NFIB: variants seen among roughly 807,000 people sequenced by gnomAD.
The protein encoded by NFIB is nuclear factor 1 B-type.
Under a neutral mutation model 61.5 loss-of-function variants are expected in NFIB, and 11 were observed. The ratio of observed to expected loss-of-function variants is 0.18; its 90% CI spans 0.11 to 0.30. NFIB has a LOEUF of 0.30. Among genes scored for constraint, NFIB ranks in the 10% least tolerant of loss-of-function variants. The pLI, the probability that NFIB is intolerant of heterozygous loss-of-function variation, is 1.00. For missense variants in NFIB, 471 were observed against 608.9 expected, an observed-to-expected ratio of 0.77 and a Z score of 2.38; for synonymous variants, 260 against 216.5, an observed-to-expected ratio of 1.20 and a Z score of -1.76.
At chr9:14,149,621 G>C (rs1410991296) in intron 5 of NFIB, among the ~76,000 whole-genome samples, 1 of 152,158 alleles carries the variant, frequency 6.6e-6, no homozygotes, top group Non-Finnish European at 1.5e-5. Flanking sequence ...AGGGAAGGTA[G>C]TATTTTCATT....
chr9:14,279,213 T>G (rs1315730502), intron 2 of NFIB, among the ~76,000 whole-genome samples: 1 of 152,168 alleles, frequency 6.6e-6, no homozygotes, highest in African/African-American at 2.4e-5. Context: ...TCACTGGTAA[T>G]GGAACCAAAA....
chr9:14,324,485 C>G (rs1232576406), intron 1 of NFIB, among the ~76,000 whole-genome samples: 2 of 152,100 alleles, frequency 1.3e-5, no homozygotes, highest in African/African-American at 4.8e-5. Context: ...TATTTGAAGT[C>G]CGCAGCAGAA....
At chr9:14,217,895 T>A (rs1488486193) in intron 2 of NFIB, among the ~76,000 whole-genome samples, 1 of 152,108 alleles carries the variant, frequency 6.6e-6, no homozygotes, top group Non-Finnish European at 1.5e-5. Flanking sequence ...GATAGGTAAG[T>A]AAATCTGGGT....
intron 6 of NFIB, among the ~76,000 whole-genome samples, chr9:14,143,551 T>C (rs919062643): frequency 2.0e-5 from 3 of 152,312 alleles, no homozygotes; most frequent in African/African-American, 7.2e-5. Flanking sequence ...GAATAAGGCA[T>C]ACCCAGGAAA....
chr9:14,398,658 C>A (rs927075394), exon 1 of NFIB: 1 of 1,466,034 alleles, frequency 6.8e-7, no homozygotes, highest in Non-Finnish European at 9.1e-7. Flanking sequence ...CGACAAGAAG[C>A]CTGTAGGCTC....
At chr9:14,094,922 T>A (rs563326863) in intron 10 of NFIB, among the ~76,000 whole-genome samples, 2 of 152,262 alleles carry the variant, frequency 1.3e-5, no homozygotes, top group South Asian at 4.1e-4. Context: ...GTGGATTGAA[T>A]GTTAACTTTA....
chr9:14,243,833 A>T (rs1454483997), intron 2 of NFIB, among the ~76,000 whole-genome samples: 1 of 152,210 alleles, frequency 6.6e-6, no homozygotes, highest in African/African-American at 2.4e-5. Flanking sequence ...AGTGAGCTCA[A>T]GCCAGGATCC....
At chr9:14,311,204 A>C (rs1262241773) in intron 1 of NFIB, among the ~76,000 whole-genome samples, 1 of 151,994 alleles carries the variant, frequency 6.6e-6, no homozygotes, top group Non-Finnish European at 1.5e-5. Context: ...TTTTAAATTA[A>C]GATTTTTTTT....
At chr9:14,359,584 A>G (rs930257490) in intron 1 of NFIB, among the ~76,000 whole-genome samples, 4 of 152,282 alleles carry the variant, frequency 2.6e-5, no homozygotes, top group African/African-American at 9.6e-5. Flanking sequence ...GAGATAATCA[A>G]TTTCTTTTGT....
chr9:14,459,902 A>G, the NFIB span, among the ~76,000 whole-genome samples: 1 of 151,572 alleles, frequency 6.6e-6, no homozygotes, highest in East Asian at 2.0e-4. Context: ...AAATAGGAAC[A>G]CTTTTACACT....
intron 1 of NFIB, among the ~76,000 whole-genome samples, chr9:14,375,778 A>G (rs2061412191): frequency 1.3e-5 from 2 of 152,174 alleles, no homozygotes; most frequent in South Asian, 4.2e-4. Flanking sequence ...AAGAGGAAAA[A>G]TTACTGTCCC....
intron 1 of NFIB, among the ~76,000 whole-genome samples, chr9:14,378,347 T>C (rs780915399): frequency 1.3e-5 from 2 of 152,168 alleles, no homozygotes; most frequent in Non-Finnish European, 2.9e-5. Flanking sequence ...TACTTTATTC[T>C]TTTCTTTCTT....
At chr9:14,311,178 A>C (rs905430015) in intron 1 of NFIB, among the ~76,000 whole-genome samples, 38 of 152,150 alleles carry the variant, frequency 2.5e-4, no homozygotes, top group African/African-American at 8.9e-4. Flanking sequence ...TAAACATAAC[A>C]TTTAATGGTA....
intron 1 of NFIB, among the ~76,000 whole-genome samples, chr9:14,387,566 G>A (rs1458325599): frequency 6.6e-6 from 1 of 152,158 alleles, no homozygotes; most frequent in Non-Finnish European, 1.5e-5. Flanking sequence ...GATAGAAATT[G>A]AGGATTCATA....
At chr9:14,223,240 T>A (rs1025573788) in intron 2 of NFIB, among the ~76,000 whole-genome samples, 3 of 152,232 alleles carry the variant, frequency 2.0e-5, no homozygotes, top group African/African-American at 7.2e-5. Context: ...GAGCAGGGAC[T>A]TCCTGACAGA....
At chr9:14,122,181 T>C (rs1054270652) in intron 7 of NFIB, among the ~76,000 whole-genome samples, 2 of 4,648 alleles carry the variant, frequency 4.3e-4, no homozygotes, top group African/African-American at 1.6e-3. Context: ...ACTATGTGGG[T>C]GGGGGGGTGG....
At chr9:14,355,696 C>T (rs146884177) in intron 1 of NFIB, among the ~76,000 whole-genome samples, 1,839 of 152,276 alleles carry the variant, frequency 0.012, 45 homozygotes, top group African/African-American at 0.042. Flanking sequence ...GTGGCTCACG[C>T]CTGTAATCCC....
intron 2 of NFIB, among the ~76,000 whole-genome samples, chr9:14,297,160 A>G (rs1377148247): frequency 1.3e-5 from 2 of 152,214 alleles, no homozygotes; most frequent in African/African-American, 2.4e-5. Context: ...AGAAAACTAA[A>G]GAGATTTTTA....
intron 2 of NFIB, among the ~76,000 whole-genome samples, chr9:14,189,529 T>A (rs560952151): frequency 6.6e-6 from 1 of 151,954 alleles, no homozygotes; most frequent in Middle Eastern, 3.4e-3. Flanking sequence ...AGTATTTTTG[T>A]GGAAAAAGGC....
Sources: allele counts gnomAD v4.1 joint callset (sites outside exome capture counted in the v4.1 genomes callset), GRCh38; gene constraint gnomAD v4.1.1; transcripts MANE v1.5; gene names NCBI Gene and HGNC (gene_info 2026-07-23, HGNC 2026-07-21).